The following PALLD variants were observed in gnomAD, a reference collection of about 807,000 sequenced individuals.
PALLD encodes the protein palladin.
A neutral mutation model predicts 123.5 loss-of-function variants in PALLD; 61 were observed. The ratio of observed to expected loss-of-function variants is 0.49; its 90% confidence interval spans 0.40 to 0.61. The LOEUF is 0.61. Ranked by LOEUF, PALLD falls within the 20% of genes least tolerant of loss-of-function variation. The pLI is 0.00. For synonymous variants in PALLD, 465 were observed against 496.4 expected, an observed-to-expected ratio of 0.94 and a Z score of 0.84; for missense variants, 1,273 against 1,377.0, an observed-to-expected ratio of 0.92 and a Z score of 1.20.
intron 1 of PALLD, among the ~76,000 whole-genome samples, chr4:168,502,553 C>T (rs1302621229): frequency 6.6e-6 from 1 of 152,026 alleles, no homozygotes; most frequent in East Asian, 1.9e-4. Flanking sequence ...GAAAACAGAG[C>T]CCGGGACACA....
chr4:168,627,759 G>T (rs1775440045), intron 2 of PALLD, among the ~76,000 whole-genome samples: 1 of 152,152 alleles, frequency 6.6e-6, no homozygotes, highest in South Asian at 2.1e-4. Context: ...CATACGTGGA[G>T]TTTCAAGAAC....
At chr4:168,682,807 C>G (rs1298553478) in intron 4 of PALLD, among the ~76,000 whole-genome samples, 191 bp from the exon 5 acceptor site, 1 of 151,778 alleles carries the variant, frequency 6.6e-6, no homozygotes, top group Non-Finnish European at 1.5e-5. Flanking sequence ...ATATACTGAC[C>G]ACAGCTATTC....
At chr4:168,594,216 G>A (rs995832592) in intron 2 of PALLD, among the ~76,000 whole-genome samples, 9 of 152,180 alleles carry the variant, frequency 5.9e-5, no homozygotes, top group Admixed American at 2.0e-4. Context: ...GATGGTTAAC[G>A]ATAGTGTAAG....
Position 168,679,155 on chromosome 4 carries a change from G to A in PALLD, c.1088-2177G>A, listed in dbSNP as rs1471328518. Among the ~76,000 whole-genome samples the A allele has an allele frequency of 1.2e-4, 15 of 121,502 alleles. 1 individual carries two copies. The South Asian group carries it at 1.5e-3, about 12-fold the overall frequency. 79.7% of individuals were successfully genotyped at this position (121,502 alleles called of 152,430 possible). A position where few individuals can be genotyped will look rare whatever the true frequency, so the allele number is the denominator to read the frequency against. Reference sequence around the variant, plus strand: ...GTGAGTATGGATGTGGTGTGTGGGGGGTGTGTGTGCATGGTGTGTGGTGGG... The same window carrying A: ...GTGAGTATGGATGTGGTGTGTGGGGAGTGTGTGTGCATGGTGTGTGGTGGG... On this transcript the variant is annotated intron_variant, in intron 3 of 21. Coordinates refer to ENST00000505667, the MANE Select transcript of PALLD (RefSeq NM_001166108.2).
At chr4:168,510,082 T>G (rs978870398) in intron 1 of PALLD, among the ~76,000 whole-genome samples, 2 of 152,194 alleles carry the variant, frequency 1.3e-5, no homozygotes, top group African/African-American at 2.4e-5. Context: ...GTTCACCACA[T>G]CCAGGAAGCT....
At chr4:168,802,149 C>A (rs1739436165) in intron 10 of PALLD, among the ~76,000 whole-genome samples, 1 of 152,180 alleles carries the variant, frequency 6.6e-6, no homozygotes, top group Non-Finnish European at 1.5e-5. Context: ...AAAACTGCTG[C>A]CTCTTTTATC....
At chr4:168,914,741 T>G (rs906782627) in intron 16 of PALLD, among the ~76,000 whole-genome samples, 1 of 152,252 alleles carries the variant, frequency 6.6e-6, no homozygotes, top group Non-Finnish European at 1.5e-5. Context: ...GTCCTGAGTC[T>G]AAATTACAGG....
intron 1 of PALLD, among the ~76,000 whole-genome samples, chr4:168,505,629 A>C (rs1373016952): frequency 6.6e-6 from 1 of 152,218 alleles, no homozygotes. Context: ...CCCTGGGCTT[A>C]AACCTTGGTT....
At chr4:168,761,486 A>T in intron 10 of PALLD, among the ~76,000 whole-genome samples, 1 of 151,912 alleles carries the variant, frequency 6.6e-6, no homozygotes, top group Non-Finnish European at 1.5e-5. Context: ...TTCTGAGACG[A>T]GTCTCTCTCC....
chr4:168,659,545 C>A (rs1037188150), intron 2 of PALLD, among the ~76,000 whole-genome samples: 13 of 152,144 alleles, frequency 8.5e-5, no homozygotes, highest in African/African-American at 2.9e-4. Flanking sequence ...AGACATCTTT[C>A]AACATAACCT....
At chr4:168,578,177 C>T (rs62335499) in intron 2 of PALLD, among the ~76,000 whole-genome samples, 13,998 of 152,042 alleles carry the variant, frequency 0.092, 891 homozygotes, top group South Asian at 0.18. Context: ...TGGACATACA[C>T]CTTCCATTAA....
chr4:168,784,656 T>C (rs1286041529), intron 10 of PALLD, among the ~76,000 whole-genome samples: 5 of 152,146 alleles, frequency 3.3e-5, no homozygotes, highest in African/African-American at 4.8e-5. Context: ...CACACCTTCA[T>C]TGATTTGGAA....
intron 10 of PALLD, among the ~76,000 whole-genome samples, chr4:168,851,682 TA>T (rs1159025208): frequency 6.6e-6 from 1 of 152,202 alleles, no homozygotes; most frequent in Non-Finnish European, 1.5e-5. Flanking sequence ...CTGTTTCTAT[TA>T]AAAGACTTAT....
At chr4:168,799,651 C>T (rs774563130) in intron 10 of PALLD, among the ~76,000 whole-genome samples, 16 of 152,040 alleles carry the variant, frequency 1.1e-4, no homozygotes, top group African/African-American at 3.1e-4. Context: ...TGTGTGTGTG[C>T]GAAAAGCATG....
At chr4:168,578,338 C>T (rs1769858037) in intron 2 of PALLD, among the ~76,000 whole-genome samples, 1 of 152,028 alleles carries the variant, frequency 6.6e-6, no homozygotes, top group East Asian at 1.9e-4. Context: ...AGGAGGGACC[C>T]AGTGGGAGGT....
chr4:168,692,849 C>T (rs1782757854), intron 8 of PALLD, among the ~76,000 whole-genome samples: 1 of 152,198 alleles, frequency 6.6e-6, no homozygotes, highest in Non-Finnish European at 1.5e-5. Context: ...ACGTTGTCAT[C>T]ATGCACATAG....
chr4:168,680,315 TA>T (rs550083822), intron 3 of PALLD, among the ~76,000 whole-genome samples: 3,685 of 132,128 alleles, frequency 0.028, 60 homozygotes, highest in African/African-American at 0.055. Context: ...CCATCTCTGC[TA>T]AAAAAAAAAA....
intron 10 of PALLD, chr4:168,877,979 C>G (rs1479755601): frequency 6.7e-7 from 1 of 1,502,054 alleles, no homozygotes; most frequent in Non-Finnish European, 8.8e-7. Flanking sequence ...CATCGCCGCG[C>G]AGAACCTCGG....
intron 10 of PALLD, among the ~76,000 whole-genome samples, chr4:168,852,475 G>A (rs1747945688): frequency 6.6e-6 from 1 of 152,112 alleles, no homozygotes; most frequent in Admixed American, 6.6e-5. Context: ...AACATAGCTA[G>A]ACTATCTCTA....
Sources: allele counts gnomAD v4.1 joint callset (sites outside exome capture counted in the v4.1 genomes callset), GRCh38; gene constraint gnomAD v4.1.1; transcripts MANE v1.5; gene names NCBI Gene and HGNC (gene_info 2026-07-23, HGNC 2026-07-21).